BTBD9: variants seen among roughly 807,000 people sequenced by gnomAD.
The protein encoded by BTBD9 is BTB domain containing 9.
BTBD9 carries 49 observed loss-of-function variants against 64.3 expected under a neutral mutation model. That is an observed-to-expected ratio of 0.76 (90% CI 0.61 to 0.97). BTBD9 has a LOEUF of 0.97. Ranked by LOEUF, BTBD9 falls within the 50% of genes least tolerant of loss-of-function variation. BTBD9 has a pLI of 0.00. For missense variants in BTBD9, 598 were observed against 762.1 expected, an observed-to-expected ratio of 0.78 and a Z score of 2.53; for synonymous variants, 260 against 274.7, an observed-to-expected ratio of 0.95 and a Z score of 0.53.
chr6:38,543,616 C>T (rs923020188), intron 6 of BTBD9, among the ~76,000 whole-genome samples: 2 of 152,064 alleles, frequency 1.3e-5, no homozygotes, highest in African/African-American at 4.8e-5. Context: ...TTTACTCATT[C>T]AAAAAATATA....
At chr6:38,529,264 T>G (rs373173850) in intron 6 of BTBD9, among the ~76,000 whole-genome samples, 1 of 152,104 alleles carries the variant, frequency 6.6e-6, no homozygotes, top group African/African-American at 2.4e-5. Flanking sequence ...GAGACTCCAT[T>G]TGTTTGGGGG....
rs192520214 is a variant in BTBD9 at position 38,224,451 on chromosome 6, T to C, written c.1563-31854A>G. On this transcript the variant is annotated intron_variant, in intron 9 of 10. Coordinates refer to ENST00000481247, the MANE Select transcript of BTBD9 (RefSeq NM_001099272.2). ...GGAAAGGACTGTCCAAATCCAATGC[T>C]ACTGCTTCAGGGAAGAGGACCCTTG... 3.2e-3 allele frequency among the ~76,000 whole-genome samples: 486 copies of C among 152,350 alleles called. 5 individuals are homozygous for C. The highest frequency in any genetic ancestry group is 0.011 in the African/African-American group (457 of 41,586).
rs1373581894 is a variant in BTBD9 at position 38,386,913 on chromosome 6, G to A, written c.1155-41820C>T. 2.0e-5 allele frequency among the ~76,000 whole-genome samples: 3 copies of A among 152,092 alleles called. No individual in the cohort carries two copies. In the East Asian group the frequency reaches 5.8e-4, roughly 29 times the overall value. ...CCACCCTGGGCTCCCAAAGTGCTGG[G>A]ATTACAGGCATCAGCCAACGCGTCT... On this transcript the variant is annotated intron_variant, in intron 6 of 10. Coordinates refer to ENST00000481247, the MANE Select transcript of BTBD9 (RefSeq NM_001099272.2).
At chr6:38,552,554 G>A (rs535913921) in intron 6 of BTBD9, among the ~76,000 whole-genome samples, 37 of 152,144 alleles carry the variant, frequency 2.4e-4, no homozygotes, top group African/African-American at 7.5e-4. Context: ...ATCACCTGAC[G>A]TCAAGAGTTC....
At chr6:38,583,994 T>C (rs1330973399) in intron 4 of BTBD9, among the ~76,000 whole-genome samples, 1 of 152,038 alleles carries the variant, frequency 6.6e-6, no homozygotes, top group Non-Finnish European at 1.5e-5. Context: ...AGTGCCTATA[T>C]CTGTCTATCA....
chr6:38,435,196 G>T (rs781103961), intron 6 of BTBD9, among the ~76,000 whole-genome samples: 72 of 150,328 alleles, frequency 4.8e-4, no homozygotes, highest in Non-Finnish European at 8.7e-4. Context: ...TCTGTCTCGG[G>T]GGGTGGGGGG....
intron 6 of BTBD9, among the ~76,000 whole-genome samples, chr6:38,493,642 T>C (rs1469367511): frequency 1.3e-5 from 2 of 152,254 alleles, no homozygotes; most frequent in Admixed American, 6.5e-5. Context: ...AAAGGATCTA[T>C]AGTTAGTCAG....
chr6:38,404,319 G>C (rs1267293507), intron 6 of BTBD9, among the ~76,000 whole-genome samples: 1 of 152,138 alleles, frequency 6.6e-6, no homozygotes, highest in Non-Finnish European at 1.5e-5. Flanking sequence ...AGCAGACTTA[G>C]AGAACAAGTA....
rs556433871 is a variant in BTBD9 at position 38,188,193 on chromosome 6, G to A, written c.1641+4326C>T. Among the ~76,000 whole-genome samples, 6 of 152,306 alleles carry A rather than the reference G, an allele frequency of 3.9e-5. No homozygotes were observed. In the South Asian group the frequency reaches 6.2e-4, roughly 16 times the overall value. ...CAGCTGCCGGGGGTGTTTGGAGTTC[G>A]GGGCAGTTTCCATGGTCCCTGTTGC... On this transcript the variant is annotated intron_variant, in intron 10 of 10. Coordinates refer to ENST00000481247, the MANE Select transcript of BTBD9 (RefSeq NM_001099272.2).
chr6:38,605,750 C>T lies in BTBD9; in HGVS notation c.-27-7629G>A, dbSNP rs1777411202. ...GGAGGATTGCTTGAGCCCAAGAGGTCGAGGCGGCAGTGAGCCATGTTCATG... is the reference window on the plus strand; with the variant it reads ...GGAGGATTGCTTGAGCCCAAGAGGTTGAGGCGGCAGTGAGCCATGTTCATG... On this transcript the variant is annotated intron_variant, in intron 1 of 10. Transcript: ENST00000481247. Among the ~76,000 whole-genome samples the T allele has an allele frequency of 2.6e-5, 4 of 152,038 alleles. No individual in the cohort carries two copies. In the South Asian group the frequency reaches 8.3e-4, roughly 32 times the overall value.
At chr6:38,596,087 T>C in intron 2 of BTBD9, 1 of 983,782 alleles carries the variant, frequency 1.0e-6, no homozygotes, top group Non-Finnish European at 1.2e-6. Context: ...TAGGCTATTA[T>C]GACAGCACTT....
At chr6:38,237,942 A>G (rs1046731812) in intron 9 of BTBD9, among the ~76,000 whole-genome samples, 1 of 152,192 alleles carries the variant, frequency 6.6e-6, no homozygotes, top group African/African-American at 2.4e-5. Flanking sequence ...GTTCGAGACC[A>G]GCCTGGGCAA....
intron 6 of BTBD9, among the ~76,000 whole-genome samples, chr6:38,375,615 T>C (rs1007559490): frequency 2.0e-5 from 3 of 152,204 alleles, no homozygotes; most frequent in East Asian, 1.9e-4. Context: ...TATCAGATCT[T>C]TTCTTGCTCA....
intron 6 of BTBD9, among the ~76,000 whole-genome samples, chr6:38,519,841 C>A (rs1365926833): frequency 6.6e-6 from 1 of 152,198 alleles, no homozygotes; most frequent in Non-Finnish European, 1.5e-5. Context: ...TAAGCTAGAT[C>A]AAGGTGAGTT....
chr6:38,265,498 A>G (rs914352329), intron 8 of BTBD9, among the ~76,000 whole-genome samples: 1 of 146,732 alleles, frequency 6.8e-6, no homozygotes, highest in Non-Finnish European at 1.5e-5. Context: ...AAAACTACCA[A>G]TCTTTTTTTT....
intron 6 of BTBD9, among the ~76,000 whole-genome samples, chr6:38,448,762 C>T (rs1245220623): frequency 2.6e-5 from 4 of 152,226 alleles, no homozygotes; most frequent in African/African-American, 7.2e-5. Flanking sequence ...AAGTGATCCG[C>T]CTGCCTCGGC....
At chr6:38,544,024 AGTT>A (rs1270260293) in intron 6 of BTBD9, among the ~76,000 whole-genome samples, 1 of 152,060 alleles carries the variant, frequency 6.6e-6, no homozygotes, top group Non-Finnish European at 1.5e-5. Flanking sequence ...GATAAACAAA[AGTT>A]AGTAAATTAT....
At chr6:38,256,873 T>C (rs1764595963) in intron 8 of BTBD9, among the ~76,000 whole-genome samples, 1 of 152,094 alleles carries the variant, frequency 6.6e-6, no homozygotes, top group African/African-American at 2.4e-5. Context: ...AACTGTAATT[T>C]CGAGTTGATT....
At chr6:38,526,187 CG>C (rs1554166139) in intron 6 of BTBD9, among the ~76,000 whole-genome samples, 1 of 152,214 alleles carries the variant, frequency 6.6e-6, no homozygotes, top group Non-Finnish European at 1.5e-5. Flanking sequence ...TGCCCTGTAT[CG>C]CACCTGCTCC....
Sources: gnomAD v4.1 joint callset for allele counts (sites outside exome capture counted in the v4.1 genomes callset) on GRCh38, gnomAD v4.1.1 for gene constraint, MANE v1.5 for transcripts, NCBI Gene and HGNC (gene_info 2026-07-23, HGNC 2026-07-21) for gene names.